RAPGEF5: variants seen among roughly 807,000 people sequenced by gnomAD.
RAPGEF5 encodes the protein Rap guanine nucleotide exchange factor 5, also known as M-Ras-regulated GEF.
A neutral mutation model predicts 125.2 loss-of-function variants in RAPGEF5; 65 were observed. The observed-to-expected ratio is 0.52, with a 90% CI of 0.43 to 0.64. The LOEUF is 0.64. Among genes scored for constraint, RAPGEF5 ranks in the 30% least tolerant of loss-of-function variants. The pLI, the probability that RAPGEF5 is intolerant of heterozygous loss-of-function variation, is 0.00. For synonymous variants in RAPGEF5, 391 were observed against 385.9 expected (o/e 1.01, Z -0.16); for missense variants, 958 against 1,048.1 (o/e 0.91, Z 1.19).
intron 9 of RAPGEF5, among the ~76,000 whole-genome samples, chr7:22,212,137 C>G (rs1325370109): frequency 6.6e-6 from 1 of 152,036 alleles, no homozygotes; most frequent in African/African-American, 2.4e-5. Flanking sequence ...GCATGCCTGG[C>G]TAATTTTTTG....
chr7:22,308,527 T>A lies in RAPGEF5; in HGVS notation c.512-20A>T, dbSNP rs192924483. On this transcript the variant is annotated intron_variant, in intron 4 of 25. Transcript: ENST00000665637. ...GGTCCACTGTTTGAAACAAAAAATA[T>A]ATAGATCAATTTTTTAAAAGATATT... 3 of 1,461,464 alleles carry A rather than the reference T, an allele frequency of 2.1e-6. No homozygotes were observed. The African/African-American group carries it at 4.3e-5, about 21-fold the overall frequency. The allele number at this position is 1,461,464 out of a possible 1,614,324, so 90.5% of individuals were successfully genotyped here.
At chr7:22,160,492 T>C in intron 14 of RAPGEF5, 26 bp downstream of exon 14, 1 of 1,530,034 alleles carries the variant, frequency 6.5e-7, no homozygotes, top group South Asian at 1.2e-5. Context: ...TTTCATTAAC[T>C]ATAATTAGGA....
chr7:22,173,577 A>T lies in RAPGEF5; in HGVS notation c.1205-6429T>A, dbSNP rs772209263. 2.4e-4 allele frequency among the ~76,000 whole-genome samples: 37 copies of T among 152,336 alleles called. 1 individual carries two copies. The highest frequency in any genetic ancestry group is 6.2e-4 in the South Asian group (3 of 4,828). ...CAGACAGGGCTTGGGGACACTCTTC[A>T]AATAATCAAATCTGTTTTTATTTTA... On this transcript the variant is annotated intron_variant, in intron 11 of 25. Coordinates refer to ENST00000665637, the MANE Select transcript of RAPGEF5 (RefSeq NM_012294.5).
intron 1 of RAPGEF5, among the ~76,000 whole-genome samples, chr7:22,324,693 C>T (rs145499812): frequency 6.6e-6 from 1 of 152,274 alleles, no homozygotes; most frequent in African/African-American, 2.4e-5. Context: ...ACATTTATTT[C>T]TTTTCTGAAA....
intron 16 of RAPGEF5, among the ~76,000 whole-genome samples, chr7:22,155,495 G>C (rs1583422185): frequency 6.6e-6 from 1 of 152,190 alleles, no homozygotes; most frequent in East Asian, 1.9e-4. Context: ...CAAAAAAATT[G>C]AGAGTGAAGC....
At chr7:22,191,218 T>G (rs933977602) in intron 11 of RAPGEF5, among the ~76,000 whole-genome samples, 4 of 152,174 alleles carry the variant, frequency 2.6e-5, no homozygotes, top group African/African-American at 9.7e-5. Flanking sequence ...TGACATTTAT[T>G]TTATATTTAT....
chr7:22,165,987 G>A (rs1362525369), intron 12 of RAPGEF5, among the ~76,000 whole-genome samples: 2 of 148,086 alleles, frequency 1.4e-5, no homozygotes, highest in African/African-American at 5.0e-5. Context: ...AGCTAGTTTT[G>A]GTATGCCTAT....
intron 9 of RAPGEF5, among the ~76,000 whole-genome samples, chr7:22,209,243 T>C (rs1785458414): frequency 6.6e-6 from 1 of 152,206 alleles, no homozygotes; most frequent in Non-Finnish European, 1.5e-5. Context: ...CAGAATAAAA[T>C]TGGCTCTCTC....
At chr7:22,210,626 G>A (rs955925317) in intron 9 of RAPGEF5, among the ~76,000 whole-genome samples, 11 of 152,104 alleles carry the variant, frequency 7.2e-5, no homozygotes, top group African/African-American at 2.4e-5. Context: ...TGGATCTTGA[G>A]GTGCCCCTAA....
intron 23 of RAPGEF5, among the ~76,000 whole-genome samples, chr7:22,133,382 G>T (rs942215261): frequency 2.0e-5 from 3 of 152,088 alleles, no homozygotes; most frequent in African/African-American, 7.2e-5. Context: ...CAAATGAGAG[G>T]TTGGGCTGAA....
chr7:22,180,103 C>T (rs1784628727), intron 11 of RAPGEF5, among the ~76,000 whole-genome samples: 1 of 152,174 alleles, frequency 6.6e-6, no homozygotes, highest in Non-Finnish European at 1.5e-5. Flanking sequence ...GGACCCCTTT[C>T]CCTTGACAAT....
At chr7:22,161,667 G>T (rs1291987126) in intron 13 of RAPGEF5, among the ~76,000 whole-genome samples, 1 of 152,002 alleles carries the variant, frequency 6.6e-6, no homozygotes. Context: ...TAAAGAGTTG[G>T]TTAGACTCGT....
intron 7 of RAPGEF5, among the ~76,000 whole-genome samples, chr7:22,259,405 A>G (rs773894051): frequency 3.3e-5 from 5 of 152,232 alleles, no homozygotes; most frequent in Non-Finnish European, 7.3e-5. Flanking sequence ...TTATGCTGGT[A>G]AGAATGCAAA....
At chr7:22,239,234 C>T (rs942720694) in intron 7 of RAPGEF5, among the ~76,000 whole-genome samples, 3 of 152,174 alleles carry the variant, frequency 2.0e-5, no homozygotes, top group Admixed American at 2.0e-4. Context: ...GCCGTAATGA[C>T]TTACACAATT....
At chr7:22,279,809 A>G (rs1012683431) in intron 6 of RAPGEF5, among the ~76,000 whole-genome samples, 1 of 152,186 alleles carries the variant, frequency 6.6e-6, no homozygotes, top group Non-Finnish European at 1.5e-5. Context: ...TAATCACTTG[A>G]ATTGGCTGGC....
intron 1 of RAPGEF5, among the ~76,000 whole-genome samples, chr7:22,340,713 AC>A (rs1784110036): frequency 6.6e-6 from 1 of 151,712 alleles, no homozygotes; most frequent in African/African-American, 2.4e-5. Context: ...CCGCACTAGA[AC>A]CCCCTCTCCT....
rs1309899421 is a variant in RAPGEF5 at position 22,160,523 on chromosome 7, A to G, written c.1521T>C (p.Arg507=). The G allele has an allele frequency of 1.9e-6, 3 of 1,542,356 alleles. No homozygotes were observed. The African/African-American group carries it at 4.1e-5, about 21-fold the overall frequency. ...TAGGAAAATGAAATACTTACTGACG[A>G]CGGTGCATTCCAAGTATCTTTTGAA... ...KEFQKILGMH[R]RHTVDEYSPQ... The change falls in exon 14 of 26, where the codon CGT becomes CGC. Residue 507 remains arginine (R), a synonymous_variant. Coordinates refer to ENST00000665637, the MANE Select transcript of RAPGEF5 (RefSeq NM_012294.5).
intron 1 of RAPGEF5, among the ~76,000 whole-genome samples, chr7:22,330,838 A>G (rs1449098324): frequency 6.6e-6 from 1 of 152,246 alleles, no homozygotes; most frequent in African/African-American, 2.4e-5. Flanking sequence ...CACATGGTCA[A>G]TGTCGTTTTT....
At position 22,193,333 on chromosome 7, in the gene RAPGEF5, T is replaced by C. The variant is rs372692103; in HGVS notation, c.1204+34A>G. ...GTACTGACAAGGGCATCAGCTGCTA[T>C]CAGTCTGGAAGCATGAGCTACTCAG... is the stretch of plus-strand genomic sequence containing the variant. On this transcript the variant is annotated intron_variant, in intron 11 of 25. Coordinates refer to ENST00000665637, the MANE Select transcript of RAPGEF5 (RefSeq NM_012294.5). The C allele has an allele frequency of 3.9e-6, 6 of 1,550,932 alleles. No individual in the cohort carries two copies. In the African/African-American group the frequency reaches 8.2e-5, roughly 21 times the overall value.
Sources: gnomAD v4.1 joint callset for allele counts (sites outside exome capture counted in the v4.1 genomes callset) on GRCh38, gnomAD v4.1.1 for gene constraint, MANE v1.5 for transcripts, NCBI Gene and HGNC (gene_info 2026-07-23, HGNC 2026-07-21) for gene names.